The following PALM2AKAP2 variants were observed in gnomAD, a reference collection of about 807,000 sequenced individuals.
PALM2AKAP2 encodes the protein PALM2-AKAP2 fusion protein.
Under a neutral mutation model 71.5 loss-of-function variants are expected in PALM2AKAP2, and 37 were observed. That is an observed-to-expected ratio of 0.52 (90% CI 0.40 to 0.68). PALM2AKAP2 has a LOEUF of 0.68. PALM2AKAP2 is among the 30% of genes least tolerant of loss of function. The pLI, the probability that PALM2AKAP2 is intolerant of heterozygous loss-of-function variation, is 0.00. For missense variants in PALM2AKAP2, 1,224 were observed against 1,191.8 expected (o/e 1.03, Z -0.40); for synonymous variants, 468 against 478.8 (o/e 0.98, Z 0.29).
At chr9:109,845,508 G>C (rs1587954842) in intron 1 of PALM2AKAP2, among the ~76,000 whole-genome samples, 1 of 152,232 alleles carries the variant, frequency 6.6e-6, no homozygotes, top group African/African-American at 2.4e-5. Flanking sequence ...CAGAGGAATT[G>C]TGTGTTCAGT....
intron 1 of PALM2AKAP2, among the ~76,000 whole-genome samples, chr9:109,682,204 G>A (rs980982065): frequency 6.6e-6 from 1 of 152,182 alleles, no homozygotes; most frequent in Non-Finnish European, 1.5e-5. Context: ...AAGGCTGGCA[G>A]CTTAATGTAG....
chr9:109,831,001 A>AT (rs1462971682), intron 1 of PALM2AKAP2, among the ~76,000 whole-genome samples: 1 of 152,112 alleles, frequency 6.6e-6, no homozygotes, highest in Non-Finnish European at 1.5e-5. Context: ...GAATGAGTGG[A>AT]TTATAAGTTT....
intron 1 of PALM2AKAP2, among the ~76,000 whole-genome samples, chr9:110,049,009 C>T (rs1051538801): frequency 1.3e-5 from 2 of 152,232 alleles, no homozygotes; most frequent in South Asian, 2.1e-4. Flanking sequence ...CCTTGTCGAG[C>T]GGAGCGTGTG....
intron 1 of PALM2AKAP2, among the ~76,000 whole-genome samples, chr9:109,717,121 C>T (rs1192556823): frequency 6.6e-6 from 1 of 152,118 alleles, no homozygotes; most frequent in Non-Finnish European, 1.5e-5. Context: ...AGTGTCATAA[C>T]TCTTGACCCA....
chr9:109,766,391 G>A (rs1306530641), intron 1 of PALM2AKAP2, among the ~76,000 whole-genome samples: 1 of 152,216 alleles, frequency 6.6e-6, no homozygotes, highest in Non-Finnish European at 1.5e-5. Flanking sequence ...CTGGGCAAGG[G>A]AGGGGTAGAA....
chr9:110,044,747 A>C (rs1833569359), upstream of PALM2AKAP2, among the ~76,000 whole-genome samples: 1 of 151,162 alleles, frequency 6.6e-6, no homozygotes, highest in Non-Finnish European at 1.5e-5. Flanking sequence ...CCCAGCTGAT[A>C]CTTTTTGGTC....
At chr9:109,721,485 T>A (rs1011971099) in intron 1 of PALM2AKAP2, among the ~76,000 whole-genome samples, 1 of 152,224 alleles carries the variant, frequency 6.6e-6, no homozygotes, top group Non-Finnish European at 1.5e-5. Context: ...ACCTTCTATC[T>A]TGTTATTTCC....
chr9:110,139,518 A>T (rs1190399035), intron 2 of PALM2AKAP2, among the ~76,000 whole-genome samples: 1 of 152,230 alleles, frequency 6.6e-6, no homozygotes, highest in Non-Finnish European at 1.5e-5. Flanking sequence ...GTATTTTACA[A>T]AACTATTGCT....
At chr9:110,049,471 C>A (rs934917680) in intron 1 of PALM2AKAP2, among the ~76,000 whole-genome samples, 1 of 152,178 alleles carries the variant, frequency 6.6e-6, no homozygotes, top group African/African-American at 2.4e-5. Flanking sequence ...AGCCAGCAGC[C>A]TCTTCTGCCC....
At chr9:109,708,684 T>G (rs1056530018) in intron 1 of PALM2AKAP2, among the ~76,000 whole-genome samples, 32 of 152,238 alleles carry the variant, frequency 2.1e-4, no homozygotes, top group Non-Finnish European at 7.3e-5. Context: ...CAAGCCTTTT[T>G]GCACATGAGC....
At chr9:109,999,961 A>C (rs866045265) in intron 6 of PALM2AKAP2, among the ~76,000 whole-genome samples, 26 of 149,760 alleles carry the variant, frequency 1.7e-4, no homozygotes, top group African/African-American at 6.4e-4. Flanking sequence ...TTTTTTAAAG[A>C]CTGAAATTTT....
intron 1 of PALM2AKAP2, among the ~76,000 whole-genome samples, chr9:109,717,814 T>A (rs1047370651): frequency 6.6e-6 from 1 of 152,212 alleles, no homozygotes; most frequent in African/African-American, 2.4e-5. Context: ...TTGCATTTCA[T>A]GGAGTTTGCC....
At chr9:110,048,742 G>C in exon 1 of PALM2AKAP2, 1 of 1,369,666 alleles carries the variant, frequency 7.3e-7, no homozygotes, top group East Asian at 2.7e-5. Context: ...CCTTCCCCCG[G>C]AGTCTCCTGG....
intron 1 of PALM2AKAP2, chr9:109,862,840 G>T: frequency 6.1e-6 from 3 of 490,822 alleles, no homozygotes; most frequent in Non-Finnish European, 8.1e-6. Context: ...AGTGCACATC[G>T]ATTATTGTTA....
intron 1 of PALM2AKAP2, among the ~76,000 whole-genome samples, chr9:109,811,559 T>C (rs73533233): frequency 0.079 from 12,091 of 152,168 alleles, 1,339 homozygotes; most frequent in African/African-American, 0.25. Flanking sequence ...GTGTTGCTGT[T>C]TTTATTATAT....
intron 1 of PALM2AKAP2, among the ~76,000 whole-genome samples, chr9:109,844,282 A>T (rs775651497): frequency 1.3e-5 from 2 of 152,252 alleles, no homozygotes; most frequent in Non-Finnish European, 2.9e-5. Flanking sequence ...ACTAACAGTG[A>T]AAGTGAGAAA....
chr9:109,837,245 T>A (rs1828507209), intron 1 of PALM2AKAP2, among the ~76,000 whole-genome samples: 1 of 152,176 alleles, frequency 6.6e-6, no homozygotes, highest in African/African-American at 2.4e-5. Flanking sequence ...AAGAAAAGAA[T>A]TTTCAATGCA....
chr9:109,940,088 C>T (rs1831324732), intron 6 of PALM2AKAP2, among the ~76,000 whole-genome samples: 1 of 152,110 alleles, frequency 6.6e-6, no homozygotes, highest in African/African-American at 2.4e-5. Context: ...TTACAACAAC[C>T]ATATTAGACT....
At chr9:109,701,141 C>T (rs573990785) in intron 1 of PALM2AKAP2, among the ~76,000 whole-genome samples, 113 of 152,216 alleles carry the variant, frequency 7.4e-4, no homozygotes, top group African/African-American at 2.4e-3. Context: ...CAAGATACCA[C>T]GGTTAGAAAA....
Sources: allele counts gnomAD v4.1 joint callset (sites outside exome capture counted in the v4.1 genomes callset), GRCh38; gene constraint gnomAD v4.1.1; transcripts MANE v1.5; gene names NCBI Gene and HGNC (gene_info 2026-07-23, HGNC 2026-07-21).